KCNQ1: variants seen among roughly 807,000 people sequenced by gnomAD.
KCNQ1 encodes potassium voltage-gated channel subfamily KQT member 1.
Under a neutral mutation model 72.4 loss-of-function variants are expected in KCNQ1, and 49 were observed. The ratio of observed to expected loss-of-function variants is 0.68; its 90% CI spans 0.54 to 0.86. KCNQ1 has a LOEUF of 0.86. KCNQ1 is among the 40% of genes least tolerant of loss of function. The pLI, the probability that KCNQ1 is intolerant of heterozygous loss-of-function variation, is 0.00. For synonymous variants in KCNQ1, 450 were observed against 412.6 expected, an observed-to-expected ratio of 1.09 and a Z score of -1.10; for missense variants, 790 against 945.1, an observed-to-expected ratio of 0.84 and a Z score of 2.15.
rs371176967 is a variant in KCNQ1 at position 2,768,447 on chromosome 11, C to T, written c.1515-397C>T. 2.6e-5 allele frequency among the ~76,000 whole-genome samples: 4 copies of T among 152,118 alleles called. No individual in the cohort carries two copies. Among genetic ancestry groups the T allele is most frequent in the East Asian group, 1.9e-4 (1 of 5,168 alleles). On this transcript the variant is annotated intron_variant, in intron 11 of 15. Transcript: ENST00000155840. The surrounding 1 kb of genome is among the most constrained non-coding windows in gnomAD (Gnocchi z 6.7). ...AGCAGCTGAAAGGGGCTGTGGGCAT[C>T]GCCAGCATGTACCCTCTTATCCCAT...
At position 2,691,091 on chromosome 11, in the gene KCNQ1, A is replaced by G. The variant is rs559656515; in HGVS notation, c.1514+29010A>G. On this transcript the variant is annotated intron_variant, in intron 11 of 15. Transcript: ENST00000155840. The surrounding 1 kb of genome is among the most constrained non-coding windows in gnomAD (Gnocchi z 6.4). Reference sequence around the variant, plus strand: ...GCACCTTTGTTCTAGATGCCTGCAGATTCCTGACAACAGTAGGGGTGGAGG... The same window carrying G: ...GCACCTTTGTTCTAGATGCCTGCAGGTTCCTGACAACAGTAGGGGTGGAGG... 306 of 398,656 alleles carry G rather than the reference A, an allele frequency of 7.7e-4. 1 individual carries two copies. The highest frequency in any genetic ancestry group is 5.6e-3 in the African/African-American group (273 of 48,740). 24.7% of individuals were successfully genotyped at this position (398,656 alleles called of 1,614,324 possible).
At chr11:2,728,073 C>T (rs1845796269) in intron 11 of KCNQ1, among the ~76,000 whole-genome samples, 1 of 152,032 alleles carries the variant, frequency 6.6e-6, no homozygotes, top group South Asian at 2.1e-4. Flanking sequence ...CCACTCTGGC[C>T]TTCTCCTCGT....
At position 2,848,946 on chromosome 11, in the gene KCNQ1, GATT is replaced by G; in HGVS notation, c.*948_*950del. The G allele has an allele frequency of 2.2e-6, 1 of 454,168 alleles. No individual in the cohort carries two copies. Among genetic ancestry groups the G allele is most frequent in the South Asian group, 1.6e-5 (1 of 64,478 alleles). 28.1% of individuals were successfully genotyped at this position (454,168 alleles called of 1,614,324 possible). On this transcript the variant is annotated 3_prime_UTR_variant, in exon 16 of 16. Transcript: ENST00000155840. ...TTAATGAGTTTCACAGTGTGATTTT[GATT>G]ATTAATTGTGCAAGCTTTTCCTAAT... is the stretch of plus-strand genomic sequence containing the variant.
intron 2 of KCNQ1, among the ~76,000 whole-genome samples, chr11:2,558,449 T>C (rs547787695): frequency 6.6e-5 from 10 of 152,334 alleles, no homozygotes; most frequent in African/African-American, 2.2e-4. Context: ...TAGTTTTTGC[T>C]TCATCAGAAT....
In KCNQ1 at chr11:2,484,619, C is replaced by T. The variant is rs1339131412; in HGVS notation, c.386+39135C>T. Among the ~76,000 whole-genome samples the T allele has an allele frequency of 2.6e-5, 4 of 152,154 alleles. No individual in the cohort carries two copies. Among genetic ancestry groups the T allele is most frequent in the African/African-American group, 9.7e-5 (4 of 41,438 alleles). ...TCTGGGCTCAGCTTGTATTTCCTTG[C>T]CTCAGTCTTGAAATCACCCACTTCT... On this transcript the variant is annotated intron_variant, in intron 1 of 15. Coordinates refer to ENST00000155840, the MANE Select transcript of KCNQ1 (RefSeq NM_000218.3). This position sits in a 1 kb window ranked among gnomAD's most constrained non-coding sequence, Gnocchi z 5.2.
At position 2,593,080 on chromosome 11, in the gene KCNQ1, G is replaced by A. The variant is rs1263417616; in HGVS notation, c.1393+4226G>A. On this transcript the variant is annotated intron_variant, in intron 10 of 15. Coordinates refer to ENST00000155840, the MANE Select transcript of KCNQ1 (RefSeq NM_000218.3). This position sits in a 1 kb window ranked among gnomAD's most constrained non-coding sequence, Gnocchi z 6.9. ...GTTGTCCAGTCCCCTCCTCATAGGG[G>A]AGTGGCCCTTTGTCTTTCACCACTG... 6.6e-6 allele frequency among the ~76,000 whole-genome samples: 1 copy of A among 152,160 alleles called. No individual in the cohort carries two copies. Among genetic ancestry groups the A allele is most frequent in the Non-Finnish European group, 1.5e-5 (1 of 68,024 alleles).
At chr11:2,662,141 G>C in intron 11 of KCNQ1, 60 bp downstream of exon 11, 1 of 1,609,598 alleles carries the variant, frequency 6.2e-7, no homozygotes, top group Non-Finnish European at 8.5e-7. Flanking sequence ...CAAGGAGTCA[G>C]ACTTGGTGCT....
At chr11:2,625,799 G>T in intron 10 of KCNQ1, 2 of 398,136 alleles carry the variant, frequency 5.0e-6, no homozygotes, top group South Asian at 2.7e-4. Context: ...TCAATCTCCT[G>T]ACTTCATGAT....
At chr11:2,847,744 C>G (rs1366546923) in intron 15 of KCNQ1, 23 bp from the exon 16 acceptor site, 2 of 1,567,426 alleles carry the variant, frequency 1.3e-6, no homozygotes, top group Non-Finnish European at 8.7e-7. Flanking sequence ...CACTGACTCT[C>G]TCGTCTGCCT....
rs1343358330 is a variant in KCNQ1 at position 2,541,446 on chromosome 11, G to A, written c.477+13428G>A. Among the ~76,000 whole-genome samples, 2 of 152,120 alleles carry A rather than the reference G, an allele frequency of 1.3e-5. No homozygotes were observed. The highest frequency in any genetic ancestry group is 2.4e-5 in the African/African-American group (1 of 41,422). The stretch of plus-strand genomic sequence containing the variant: ...TTCTGAAACTGGCTGGGGAGGGTCA[G>A]GGATGGCTGCTGTCCTCGGGGGAGG... On this transcript the variant is annotated intron_variant, in intron 2 of 15. Coordinates refer to ENST00000155840, the MANE Select transcript of KCNQ1 (RefSeq NM_000218.3). This position sits in a 1 kb window ranked among gnomAD's most constrained non-coding sequence, Gnocchi z 4.8.
rs1846172268 is a variant in KCNQ1, at chr11:2,748,453, A to G, written c.1515-20391A>G. 6.6e-6 allele frequency among the ~76,000 whole-genome samples: 1 copy of G among 152,126 alleles called. No homozygotes were observed. The highest frequency in any genetic ancestry group is 2.4e-5 in the African/African-American group (1 of 41,430). On this transcript the variant is annotated intron_variant, in intron 11 of 15. Coordinates refer to ENST00000155840, the MANE Select transcript of KCNQ1 (RefSeq NM_000218.3). The surrounding 1 kb of genome is among the most constrained non-coding windows in gnomAD (Gnocchi z 6.2). Reference sequence around the variant, plus strand: ...GATGCCCCTGGGTACCTCCCCAGGCAGGGCCCTCAGCACCTGATGCCAAAC... The same window carrying G: ...GATGCCCCTGGGTACCTCCCCAGGCGGGGCCCTCAGCACCTGATGCCAAAC...
At position 2,658,856 on chromosome 11, in the gene KCNQ1, A is replaced by G. The variant is rs1186800553; in HGVS notation, c.1394-3105A>G. 2.5e-6 allele frequency: 1 copy of G among 398,296 alleles called. No homozygotes were observed. Among genetic ancestry groups the G allele is most frequent in the Admixed American group, 4.4e-5 (1 of 22,694 alleles). 24.7% of individuals were successfully genotyped at this position (398,296 alleles called of 1,614,324 possible). ...GACAGCTAGAAACCTGGCTCCCATTACCTACAGTTCATTTACTTATTTGTG... is the reference window on the plus strand; with the variant it reads ...GACAGCTAGAAACCTGGCTCCCATTGCCTACAGTTCATTTACTTATTTGTG... On this transcript the variant is annotated intron_variant, in intron 10 of 15. Transcript: ENST00000155840. This position sits in a 1 kb window ranked among gnomAD's most constrained non-coding sequence, Gnocchi z 4.9.
At position 2,711,661 on chromosome 11, in the gene KCNQ1, C is replaced by T. The variant is rs894495775; in HGVS notation, c.1514+49580C>T. ...CTGTGGGTACAATGGAGCTATTTCC[C>T]AGTCAGACCTCACAATCGGTAAACT... On this transcript the variant is annotated intron_variant, in intron 11 of 15. Coordinates refer to ENST00000155840, the MANE Select transcript of KCNQ1 (RefSeq NM_000218.3). This position sits in a 1 kb window ranked among gnomAD's most constrained non-coding sequence, Gnocchi z 5.4. Among the ~76,000 whole-genome samples, 4 of 152,222 alleles carry T rather than the reference C, an allele frequency of 2.6e-5. No homozygotes were observed. The highest frequency in any genetic ancestry group is 9.7e-5 in the African/African-American group (4 of 41,442).
Position 2,491,698 on chromosome 11 carries a change from G to T in KCNQ1, c.387-36230G>T, listed in dbSNP as rs1027158809. Among the ~76,000 whole-genome samples the T allele has an allele frequency of 6.6e-6, 1 of 152,052 alleles. No homozygotes were observed. Among genetic ancestry groups the T allele is most frequent in the Non-Finnish European group, 1.5e-5 (1 of 68,012 alleles). ...ATAGAACTTCCCAAACCTAGAGAAA[G>T]ATACCAATATTCAAATACAAGAAGA... On this transcript the variant is annotated intron_variant, in intron 1 of 15. Transcript: ENST00000155840. The surrounding 1 kb of genome is among the most constrained non-coding windows in gnomAD (Gnocchi z 4.1).
In KCNQ1 at chr11:2,537,838, C is replaced by T. The variant is rs1367795324; in HGVS notation, c.477+9820C>T. Reference sequence around the variant, plus strand: ...GCCTCAAGTGTTCCCACTTCAGCCTCCTGAGCAGCTGGGACTGTGGGTGCG... The same window carrying T: ...GCCTCAAGTGTTCCCACTTCAGCCTTCTGAGCAGCTGGGACTGTGGGTGCG... On this transcript the variant is annotated intron_variant, in intron 2 of 15. Transcript: ENST00000155840. This position sits in a 1 kb window ranked among gnomAD's most constrained non-coding sequence, Gnocchi z 5.2. 2.0e-5 allele frequency among the ~76,000 whole-genome samples: 3 copies of T among 152,086 alleles called. No homozygotes were observed. In the East Asian group the frequency reaches 5.8e-4, roughly 29 times the overall value.
intron 2 of KCNQ1, among the ~76,000 whole-genome samples, chr11:2,546,126 G>A (rs551419916): frequency 6.6e-6 from 1 of 151,834 alleles, no homozygotes; most frequent in African/African-American, 2.4e-5. Context: ...CAGGCACTTG[G>A]TGGTATAAAC....
intron 11 of KCNQ1, among the ~76,000 whole-genome samples, chr11:2,700,400 A>G (rs1374045007): frequency 6.6e-6 from 1 of 152,080 alleles, no homozygotes; most frequent in African/African-American, 2.4e-5. Flanking sequence ...GCGTGAGGAC[A>G]GCGGCCGCAC....
chr11:2,690,013 G>A lies in KCNQ1; in HGVS notation c.1514+27932G>A, dbSNP rs1850562610. 2.5e-6 allele frequency: 1 copy of A among 398,874 alleles called. No individual in the cohort carries two copies. Among genetic ancestry groups the A allele is most frequent in the East Asian group, 3.6e-5 (1 of 28,082 alleles). The allele number at this position is 398,874 out of a possible 1,614,324, so 24.7% of individuals were successfully genotyped here. On this transcript the variant is annotated intron_variant, in intron 11 of 15. Transcript: ENST00000155840. The surrounding 1 kb of genome is among the most constrained non-coding windows in gnomAD (Gnocchi z 5.1). ...CCCAAGCAGAGAACTGTTGAGGAAGGTGAGCCTTCCGAGGGCCAGCCCTGC... is the reference window on the plus strand; with the variant it reads ...CCCAAGCAGAGAACTGTTGAGGAAGATGAGCCTTCCGAGGGCCAGCCCTGC...
At chr11:2,666,975 G>A (rs1047894707) in intron 11 of KCNQ1, 12 of 398,594 alleles carry the variant, frequency 3.0e-5, no homozygotes, top group Non-Finnish European at 3.5e-5. Context: ...CTGGGGGCCC[G>A]CCCGGGAGGG....
Sources: allele counts gnomAD v4.1 joint callset (sites outside exome capture counted in the v4.1 genomes callset), GRCh38; gene constraint gnomAD v4.1.1; non-coding constraint Gnocchi (gnomAD v3.1); transcripts MANE v1.5; gene names NCBI Gene and HGNC (gene_info 2026-07-23, HGNC 2026-07-21).